FAM186A: variants seen among roughly 807,000 people sequenced by gnomAD.
FAM186A encodes family with sequence similarity 186 member A, also known as protein FAM186A.
In FAM186A, 163 loss-of-function variants were observed where a neutral mutation model predicts 216.8. That is an observed-to-expected ratio of 0.75 (90% CI 0.66 to 0.86). FAM186A has a LOEUF of 0.86. FAM186A is among the 40% of genes least tolerant of loss of function. The pLI, the probability that FAM186A is intolerant of heterozygous loss-of-function variation, is 0.00. For missense variants in FAM186A, 2,184 were observed against 2,746.2 expected, an observed-to-expected ratio of 0.80 and a Z score of 4.58; for synonymous variants, 805 against 1,025.3, an observed-to-expected ratio of 0.79 and a Z score of 4.10.
intron 3 of FAM186A, among the ~76,000 whole-genome samples, chr12:50,357,028 A>G (rs12303238): frequency 2.6e-5 from 4 of 151,700 alleles, no homozygotes; most frequent in African/African-American, 4.8e-5. Flanking sequence ...ATACATACAT[A>G]CATACATACA....
chr12:50,351,043 T>C lies in FAM186A; in HGVS notation c.5789A>G (p.His1930Arg), dbSNP rs1942872738. ...SSLWIPPTSR[H>R]PPTLWPSPAP... ...TGGGGACGGCCATAGTGTGGGAGGA[T>C]GTCTAGAGGTGGGAGGGATCCATAA... The change falls in exon 4 of 8, where the codon CAT (histidine) becomes CGT (arginine). Residue 1930 changes from histidine (H) to arginine (R), a missense_variant. Transcript: ENST00000327337. The C allele has an allele frequency of 6.4e-7, 1 of 1,551,042 alleles. No homozygotes were observed. Among genetic ancestry groups the C allele is most frequent in the South Asian group, 1.2e-5 (1 of 84,024 alleles).
At chr12:50,329,822 C>G (rs1276577105) in intron 7 of FAM186A, among the ~76,000 whole-genome samples, 1 of 152,072 alleles carries the variant, frequency 6.6e-6, no homozygotes, top group East Asian at 1.9e-4. Flanking sequence ...TCTGAAACTC[C>G]TGACCTCAGG....
intron 1 of FAM186A, among the ~76,000 whole-genome samples, chr12:50,368,995 G>A (rs1943116491): frequency 6.6e-6 from 1 of 150,804 alleles, no homozygotes; most frequent in African/African-American, 2.4e-5. Context: ...ACAAATGTTG[G>A]TGGGAAAACT....
At chr12:50,375,997 C>A (rs956069175) in intron 1 of FAM186A, among the ~76,000 whole-genome samples, 1 of 152,058 alleles carries the variant, frequency 6.6e-6, no homozygotes, top group African/African-American at 2.4e-5. Flanking sequence ...CCACTGTGCA[C>A]CCCCACTGTA....
chr12:50,378,831 C>A (rs1310205317), intron 1 of FAM186A, among the ~76,000 whole-genome samples: 1 of 152,012 alleles, frequency 6.6e-6, no homozygotes, highest in Non-Finnish European at 1.5e-5. Context: ...TTTAACCCAG[C>A]AATCCCATTT....
chr12:50,328,419 A>C (rs140278076), intron 7 of FAM186A, among the ~76,000 whole-genome samples: 293 of 152,332 alleles, frequency 1.9e-3, no homozygotes, highest in African/African-American at 6.7e-3. Flanking sequence ...TCACACAACC[A>C]ACAAAATGAT....
intron 1 of FAM186A, among the ~76,000 whole-genome samples, chr12:50,395,461 G>T (rs1413704154): frequency 2.0e-5 from 3 of 151,922 alleles, no homozygotes; most frequent in African/African-American, 4.8e-5. Flanking sequence ...AGATTCTTAT[G>T]TATTTATTTA....
chr12:50,364,854 A>G (rs374106987), intron 1 of FAM186A, among the ~76,000 whole-genome samples: 1 of 151,902 alleles, frequency 6.6e-6, no homozygotes, highest in South Asian at 2.1e-4. Flanking sequence ...CCTGGCCAGC[A>G]TGGTGAAACC....
intron 1 of FAM186A, among the ~76,000 whole-genome samples, chr12:50,393,106 T>G (rs1943376712): frequency 6.6e-6 from 1 of 151,098 alleles, no homozygotes; most frequent in African/African-American, 2.4e-5. Context: ...TTTTGTATTT[T>G]TAGTAGAGAC....
At chr12:50,340,203 C>T (rs935513692) in intron 4 of FAM186A, among the ~76,000 whole-genome samples, 1 of 152,100 alleles carries the variant, frequency 6.6e-6, no homozygotes, top group Admixed American at 6.6e-5. Flanking sequence ...AGAAGCTGTA[C>T]CTAACTCCCG....
intron 4 of FAM186A, among the ~76,000 whole-genome samples, chr12:50,346,988 ACT>A (rs1450680010): frequency 3.5e-5 from 4 of 114,492 alleles, no homozygotes; most frequent in Non-Finnish European, 5.4e-5. Flanking sequence ...ACAGAGTAAG[ACT>A]CTGTCTCAAA....
chr12:50,332,251 CA>C (rs1942663382), intron 5 of FAM186A, among the ~76,000 whole-genome samples: 1 of 152,234 alleles, frequency 6.6e-6, no homozygotes, highest in African/African-American at 2.4e-5. Context: ...CTGAACTAAG[CA>C]TTTTCCATAT....
chr12:50,393,422 G>A (rs1026163149), intron 1 of FAM186A, among the ~76,000 whole-genome samples: 1 of 151,736 alleles, frequency 6.6e-6, no homozygotes, highest in African/African-American at 2.4e-5. Flanking sequence ...CTGTTGTCTA[G>A]TCTCAGCTGC....
intron 4 of FAM186A, among the ~76,000 whole-genome samples, chr12:50,339,047 C>T (rs181890606): frequency 2.1e-4 from 32 of 151,920 alleles, no homozygotes; most frequent in Non-Finnish European, 3.5e-4. Flanking sequence ...CAGGGTCTCA[C>T]TGTGTTGCCC....
intron 4 of FAM186A, among the ~76,000 whole-genome samples, chr12:50,344,653 G>A (rs79675168): frequency 0.086 from 13,101 of 151,972 alleles, 1,146 homozygotes; most frequent in East Asian, 0.34. Context: ...GGGTCAAGTG[G>A]TAGATCTATT....
rs1383898895 is a variant in FAM186A at position 50,346,237 on chromosome 12, A to AAAGAAAGAAAGAAAGAAAAAG, written c.6503+4091_6503+4092insCTTTTTCTTTCTTTCTTTCTT. 2.9e-5 allele frequency among the ~76,000 whole-genome samples: 3 copies of AAAGAAAGAAAGAAAGAAAAAG among 102,258 alleles called. No individual in the cohort carries two copies. The Admixed American group carries it at 3.7e-4, about 13-fold the overall frequency. The allele number at this position is 102,258 out of a possible 152,430, so 67.1% of individuals were successfully genotyped here. A position where few individuals can be genotyped will look rare whatever the true frequency, so the allele number is the denominator to read the frequency against. ...AGAGAGAAGGAAAGAAAGAAAGAAA[A>AAAGAAAGAAAGAAAGAAAAAG]AAAGAAAGAAAGAAAGAAAGAAAGA... On this transcript the variant is annotated intron_variant, in intron 4 of 7. Transcript: ENST00000327337.
At chr12:50,388,635 A>G (rs1378404702) in intron 1 of FAM186A, among the ~76,000 whole-genome samples, 4 of 151,832 alleles carry the variant, frequency 2.6e-5, no homozygotes, top group Non-Finnish European at 5.9e-5. Flanking sequence ...AAAAAAAAAA[A>G]GATGTATCCT....
rs1455027180 is a variant in FAM186A at position 50,356,127 on chromosome 12, T to C, written c.705A>G (p.Ser235=). 1 of 1,551,676 alleles carries C rather than the reference T, an allele frequency of 6.4e-7. No homozygotes were observed. Among genetic ancestry groups the C allele is most frequent in the Middle Eastern group, 1.7e-4 (1 of 5,992 alleles). ...SDQLATNTKV[S]EIQGMLQELI... is the part of the protein sequence containing the mutation. ...GTTCCTGTAGCATACCTTGGATTTC[T>C]GAAACCTTTGTATTTGTTGCAAGTT... The change falls in exon 4 of 8, where the codon TCA becomes TCG. Residue 235 remains serine, a synonymous_variant. Transcript: ENST00000327337.
Position 50,351,195 on chromosome 12 carries a change from T to G in FAM186A, c.5637A>C (p.Leu1879Phe). The G allele has an allele frequency of 6.4e-7, 1 of 1,551,280 alleles. No individual in the cohort carries two copies. Residue 1879 changes from leucine to phenylalanine, a missense_variant, in exon 4 of 8, where the codon TTA (leucine) becomes TTC (phenylalanine). Leu to Phe is a conservative substitution (Grantham distance 22). Around this residue, in one of 7 missense-constraint regions of FAM186A, gnomAD observed 721 missense variants for 816.4 expected, o/e 0.88. Transcript: ENST00000327337. ...ATTCCTGGAGCTGCTCAGAGAAGGT[T>G]AAGGGTCCAGATTCCAGGAGGTCCC... ...IPGDLLESGP[L>F]TFSEQLQEFQ... is the part of the protein sequence containing the mutation.
Sources: gnomAD v4.1 joint callset for allele counts (sites outside exome capture counted in the v4.1 genomes callset) on GRCh38, gnomAD v4.1.1 for gene constraint, gnomAD v4.1.1 regional missense constraint, MANE v1.5 for transcripts, NCBI Gene and HGNC (gene_info 2026-07-23, HGNC 2026-07-21) for gene names.